ABCD2: variants seen among roughly 807,000 people sequenced by gnomAD.
ABCD2 encodes ATP binding cassette subfamily D member 2.
Under a neutral mutation model 70.9 loss-of-function variants are expected in ABCD2, and 36 were observed. The ratio of observed to expected loss-of-function variants is 0.51; its 90% CI spans 0.39 to 0.67. ABCD2 has a LOEUF of 0.67. Ranked by LOEUF, ABCD2 falls within the 30% of genes least tolerant of loss-of-function variation. ABCD2 has a pLI of 0.00. For synonymous variants in ABCD2, 304 were observed against 306.9 expected (o/e 0.99, Z 0.10); for missense variants, 729 against 890.2 (o/e 0.82, Z 2.30).
intron 9 of ABCD2, among the ~76,000 whole-genome samples, chr12:39,563,970 T>A (rs1424905145): frequency 6.6e-6 from 1 of 152,240 alleles, no homozygotes; most frequent in Non-Finnish European, 1.5e-5. Flanking sequence ...TCATTTTTTA[T>A]GGCTGCATAG....
downstream of ABCD2, among the ~76,000 whole-genome samples, chr12:39,545,369 T>C (rs1343664582): frequency 1.3e-5 from 2 of 152,152 alleles, no homozygotes; most frequent in Admixed American, 1.3e-4. Flanking sequence ...CTTGGCTCAC[T>C]GTAAATTCCG....
At position 39,550,852 on chromosome 12, in the gene ABCD2, T is replaced by G. The variant is rs1309762958; in HGVS notation, c.*3060A>C. On this transcript the variant is annotated 3_prime_UTR_variant, in exon 10 of 10. Transcript: ENST00000308666. The stretch of plus-strand genomic sequence containing the variant: ...CATTCTCTGGACTTGGGTTTCAATG[T>G]GTAACAGATTTTCCTAGACTCATTG... The G allele has an allele frequency of 6.6e-6, 1 of 151,716 alleles. No individual in the cohort carries two copies. Among genetic ancestry groups the G allele is most frequent in the African/African-American group, 2.4e-5 (1 of 41,436 alleles). 9.4% of individuals were successfully genotyped at this position (151,716 alleles called of 1,614,324 possible).
chr12:39,543,628 T>C, the ABCD2 span, among the ~76,000 whole-genome samples: 3 of 152,212 alleles, frequency 2.0e-5, no homozygotes, highest in African/African-American at 7.2e-5. Context: ...CAGGCTTTAG[T>C]AACCAGTAGG....
At chr12:39,604,156 G>C in intron 4 of ABCD2, 150 bp from the exon 5 acceptor site, 1 of 607,950 alleles carries the variant, frequency 1.6e-6, no homozygotes, top group Non-Finnish European at 2.8e-6. Context: ...TAGATATCCA[G>C]ACCTGAAGCA....
intron 6 of ABCD2, among the ~76,000 whole-genome samples, chr12:39,590,312 C>T (rs1317119279): frequency 6.6e-6 from 1 of 152,146 alleles, no homozygotes; most frequent in Admixed American, 6.5e-5. Flanking sequence ...CTCACTTGCT[C>T]TGGCTCATTA....
intron 9 of ABCD2, among the ~76,000 whole-genome samples, chr12:39,571,698 C>T (rs1941451117): frequency 1.3e-5 from 2 of 152,138 alleles, no homozygotes; most frequent in South Asian, 4.1e-4. Flanking sequence ...TTAACTGAAA[C>T]TCATTTGAGA....
intron 2 of ABCD2, among the ~76,000 whole-genome samples, chr12:39,613,107 C>G (rs1421564499): frequency 7.2e-6 from 1 of 138,088 alleles, no homozygotes; most frequent in Non-Finnish European, 1.5e-5. Flanking sequence ...AGGTTGTGGG[C>G]CGGGCGCGGT....
intron 2 of ABCD2, among the ~76,000 whole-genome samples, chr12:39,611,080 T>G (rs1375568818): frequency 2.6e-5 from 4 of 152,214 alleles, no homozygotes; most frequent in African/African-American, 9.6e-5. Context: ...GGAGCTCTGA[T>G]AGTAAAGAGT....
chr12:39,617,106 T>C lies in ABCD2; in HGVS notation c.1002A>G (p.Leu334=). ...TCATGATGTACCACAAACGTTTGGA[T>C]AAAATGAGGTTCATCTGATCTGCTA... ...KALADQMNLI[L]SKRLWYIMIE... is the part of the protein sequence containing the mutation. Residue 334 remains leucine (L), a synonymous_variant, in exon 2 of 10, where the codon TTA becomes TTG. Coordinates refer to ENST00000308666, the MANE Select transcript of ABCD2 (RefSeq NM_005164.4). 1.2e-6 allele frequency: 2 copies of C among 1,612,674 alleles called. No individual in the cohort carries two copies. The highest frequency in any genetic ancestry group is 1.7e-6 in the Non-Finnish European group (2 of 1,179,264).
intron 8 of ABCD2, among the ~76,000 whole-genome samples, chr12:39,575,542 A>G (rs1213126456): frequency 2.0e-5 from 3 of 152,282 alleles, no homozygotes; most frequent in East Asian, 1.9e-4. Flanking sequence ...GAGTTTTTCA[A>G]TCATTCTTGA....
chr12:39,613,385 C>CAAAAAAAAAAAAAAAAAAAAAA (rs71075064), intron 2 of ABCD2, among the ~76,000 whole-genome samples: 1 of 23,606 alleles, frequency 4.2e-5, no homozygotes, highest in African/African-American at 3.1e-4. Context: ...GACTCCGTCT[C>CAAAAAAAAAAAAAAAAAAAAAA]AAAAAAAAAA....
intron 6 of ABCD2, among the ~76,000 whole-genome samples, chr12:39,586,582 A>T (rs1941669656): frequency 6.6e-6 from 1 of 152,068 alleles, no homozygotes. Context: ...TTTTGTAGAG[A>T]CAGGGTCTTG....
At chr12:39,614,707 C>A (rs915166558) in intron 2 of ABCD2, among the ~76,000 whole-genome samples, 3 of 152,012 alleles carry the variant, frequency 2.0e-5, no homozygotes, top group Non-Finnish European at 4.4e-5. Flanking sequence ...ATACTATTAT[C>A]TTAAAAAAAT....
the ABCD2 span, among the ~76,000 whole-genome samples, chr12:39,540,319 T>TA: frequency 1.3e-5 from 2 of 152,212 alleles, no homozygotes; most frequent in African/African-American, 4.8e-5. Flanking sequence ...TGGGGAGTCA[T>TA]ACCTTACAAA....
chr12:39,611,948 G>T (rs982594929), intron 2 of ABCD2, among the ~76,000 whole-genome samples: 4 of 152,016 alleles, frequency 2.6e-5, no homozygotes, highest in Non-Finnish European at 5.9e-5. Flanking sequence ...TTACAGGCAC[G>T]TCATAACAAA....
the ABCD2 span, among the ~76,000 whole-genome samples, chr12:39,531,677 G>T: frequency 6.6e-6 from 1 of 152,214 alleles, no homozygotes; most frequent in African/African-American, 2.4e-5. Flanking sequence ...TATTAAGGGA[G>T]TTCAGTCTTT....
chr12:39,564,832 T>A (rs980576505), intron 9 of ABCD2, among the ~76,000 whole-genome samples: 1 of 152,222 alleles, frequency 6.6e-6, no homozygotes, highest in African/African-American at 2.4e-5. Context: ...GGATCCAGTT[T>A]CAGCTTTCTA....
At chr12:39,548,794 A>G (rs2120493920), downstream of ABCD2, among the ~76,000 whole-genome samples, 1 of 152,056 alleles carries the variant, frequency 6.6e-6, no homozygotes, top group Non-Finnish European at 1.5e-5. Flanking sequence ...GTTTATCAGT[A>G]TTTCATTGCT....
At chr12:39,566,503 A>G (rs1322799637) in intron 9 of ABCD2, among the ~76,000 whole-genome samples, 4 of 151,940 alleles carry the variant, frequency 2.6e-5, no homozygotes, top group East Asian at 1.9e-4. Context: ...TATTGCATCT[A>G]TTTGATTCTT....
Sources: allele counts gnomAD v4.1 joint callset (sites outside exome capture counted in the v4.1 genomes callset), GRCh38; gene constraint gnomAD v4.1.1; transcripts MANE v1.5; gene names NCBI Gene and HGNC (gene_info 2026-07-23, HGNC 2026-07-21).